Variants in OR2C3 observed in about 807,000 individuals in gnomAD.
OR2C3 encodes the protein olfactory receptor family 2 subfamily C member 3.
For synonymous variants in OR2C3, 178 were observed against 163.4 expected (o/e 1.09, Z -0.68); for missense variants, 425 against 401.5 (o/e 1.06, Z -0.50).
At position 247,532,221 on chromosome 1, in the gene OR2C3, C is replaced by T. The variant is rs1380315620; in HGVS notation, c.291G>A (p.Gly97=). 3 of 1,614,168 alleles carry T rather than the reference C, an allele frequency of 1.9e-6. No homozygotes were observed. Among genetic ancestry groups the T allele is most frequent in the Middle Eastern group, 1.6e-4 (1 of 6,062 alleles). ...WGPQKTISYG[G]CVVQFYISHW... Reference sequence around the variant, plus strand: ...GGGAGATATAGAACTGGACCACACACCCTCCATAGCTTATGGTTTTCTGTG... The same window carrying T: ...GGGAGATATAGAACTGGACCACACATCCTCCATAGCTTATGGTTTTCTGTG... The change falls in exon 3 of 3, where the codon GGG becomes GGA. Residue 97 remains glycine, a synonymous_variant. Transcript: ENST00000641802.
intron 2 of OR2C3, among the ~76,000 whole-genome samples, chr1:247,532,859 T>A (rs1453254548): frequency 1.3e-5 from 1 of 77,792 alleles, no homozygotes; most frequent in Non-Finnish European, 2.6e-5. Context: ...TTGGACTGTA[T>A]AATAAAAGAC....
In OR2C3 at chr1:247,528,763, A is replaced by G. The variant is rs1383661412; in HGVS notation, c.*2786T>C. ...TGGATAACAAGTTATTATTTTGCTG[A>G]GAGATTTGTGAAGAATAAGGCTGGA... is the stretch of plus-strand genomic sequence containing the variant. On this transcript the variant is annotated 3_prime_UTR_variant, in exon 3 of 3. Coordinates refer to ENST00000641802, the MANE Select transcript of OR2C3 (RefSeq NM_198074.6). 2 of 152,224 alleles carry G rather than the reference A, an allele frequency of 1.3e-5. No individual in the cohort carries two copies. The highest frequency in any genetic ancestry group is 3.8e-4 in the East Asian group (2 of 5,204). The allele number at this position is 152,224 out of a possible 1,614,324, so 9.4% of individuals were successfully genotyped here.
chr1:247,525,362 C>T lies in OR2C3; in HGVS notation c.*6187G>A, dbSNP rs1666637464. The stretch of plus-strand genomic sequence containing the variant: ...AAGTCTCATAAGACATCCCCGTTTC[C>T]AATACCAATTATAAGCCTCAAGTTC... On this transcript the variant is annotated 3_prime_UTR_variant, in exon 3 of 3. Transcript: ENST00000641802. 1 of 152,194 alleles carries T rather than the reference C, an allele frequency of 6.6e-6. No homozygotes were observed. The highest frequency in any genetic ancestry group is 2.1e-4 in the South Asian group (1 of 4,828). 9.4% of individuals were successfully genotyped at this position (152,194 alleles called of 1,614,324 possible).
At position 247,524,734 on chromosome 1, in the gene OR2C3, A is replaced by G. The variant is rs1409916168; in HGVS notation, c.*6815T>C. On this transcript the variant is annotated 3_prime_UTR_variant, in exon 3 of 3. Coordinates refer to ENST00000641802, the MANE Select transcript of OR2C3 (RefSeq NM_198074.6). The stretch of plus-strand genomic sequence containing the variant: ...ATATAACATTTAAAACTTTTGTACC[A>G]CAAAGGAAACAAACAAAACATAGCA... 6.6e-6 allele frequency: 1 copy of G among 150,852 alleles called. No homozygotes were observed. Among genetic ancestry groups the G allele is most frequent in the African/African-American group, 2.5e-5 (1 of 40,132 alleles). The allele number at this position is 150,852 out of a possible 1,614,324, so 9.3% of individuals were successfully genotyped here.
rs1224562568 is a variant in OR2C3, at chr1:247,529,819, C to A, written c.*1730G>T. ...CTTTATAATGTGAGTGGGTCTCATC[C>A]CATCAGTTGAAAGCCTTAAGAGAAA... On this transcript the variant is annotated 3_prime_UTR_variant, in exon 3 of 3. Coordinates refer to ENST00000641802, the MANE Select transcript of OR2C3 (RefSeq NM_198074.6). 3 of 148,962 alleles carry A rather than the reference C, an allele frequency of 2.0e-5. No homozygotes were observed. The highest frequency in any genetic ancestry group is 4.4e-5 in the Non-Finnish European group (3 of 67,692). The allele number at this position is 148,962 out of a possible 1,614,324, so 9.2% of individuals were successfully genotyped here. A position where few individuals can be genotyped will look rare whatever the true frequency, so the allele number is the denominator to read the frequency against.
chr1:247,533,712 T>C lies in OR2C3; in HGVS notation c.-235A>G, dbSNP rs1041380363. 3 of 152,232 alleles carry C rather than the reference T, an allele frequency of 2.0e-5. No homozygotes were observed. Among genetic ancestry groups the C allele is most frequent in the Non-Finnish European group, 4.4e-5 (3 of 68,044 alleles). 9.4% of individuals were successfully genotyped at this position (152,232 alleles called of 1,614,324 possible). ...GTCCATATGGCTTTGAACCTAAGCATAAAAATGGGAAGTTTCTCTTGTATC... is the reference window on the plus strand; with the variant it reads ...GTCCATATGGCTTTGAACCTAAGCACAAAAATGGGAAGTTTCTCTTGTATC... On this transcript the variant is annotated 5_prime_UTR_variant, in exon 2 of 3. It removes an upstream start codon present in the reference 5' UTR. Coordinates refer to ENST00000641802, the MANE Select transcript of OR2C3 (RefSeq NM_198074.6).
rs1295922888 is a variant in OR2C3, at chr1:247,524,685, C to T, written c.*6864G>A. On this transcript the variant is annotated 3_prime_UTR_variant, in exon 3 of 3. Coordinates refer to ENST00000641802, the MANE Select transcript of OR2C3 (RefSeq NM_198074.6). ...GTCCCACAACTAGAAGGCATAAAGG[C>T]ATGATTGATAGTTTATTTAATACAT... 1 of 152,090 alleles carries T rather than the reference C, an allele frequency of 6.6e-6. No homozygotes were observed. Among genetic ancestry groups the T allele is most frequent in the Non-Finnish European group, 1.5e-5 (1 of 68,010 alleles). 9.4% of individuals were successfully genotyped at this position (152,090 alleles called of 1,614,324 possible). A position where few individuals can be genotyped will look rare whatever the true frequency, so the allele number is the denominator to read the frequency against.
At position 247,527,017 on chromosome 1, in the gene OR2C3, G is replaced by A; in HGVS notation, c.*4532C>T. The A allele has an allele frequency of 4.4e-6, 2 of 456,702 alleles. No individual in the cohort carries two copies. The highest frequency in any genetic ancestry group is 3.1e-5 in the South Asian group (2 of 64,564). The allele number at this position is 456,702 out of a possible 1,614,324, so 28.3% of individuals were successfully genotyped here. On this transcript the variant is annotated 3_prime_UTR_variant, in exon 3 of 3. Coordinates refer to ENST00000641802, the MANE Select transcript of OR2C3 (RefSeq NM_198074.6). This position sits in a 1 kb window ranked among gnomAD's most constrained non-coding sequence, Gnocchi z 4.6. ...TGTGGAGCCAGAAATTGTGTGGAAT[G>A]CCTGGTGTTTCTTTCAGTTCTTGGA... is the stretch of plus-strand genomic sequence containing the variant.
rs147971145 is a variant in OR2C3 at position 247,525,370 on chromosome 1, A to G, written c.*6179T>C. On this transcript the variant is annotated 3_prime_UTR_variant, in exon 3 of 3. Transcript: ENST00000641802. Reference sequence around the variant, plus strand: ...TAAGACATCCCCGTTTCCAATACCAATTATAAGCCTCAAGTTCTTTTTACC... The same window carrying G: ...TAAGACATCCCCGTTTCCAATACCAGTTATAAGCCTCAAGTTCTTTTTACC... 9.0e-4 allele frequency: 136 copies of G among 151,816 alleles called. No individual in the cohort carries two copies. Among genetic ancestry groups the G allele is most frequent in the African/African-American group, 3.2e-3 (132 of 41,434 alleles). 9.4% of individuals were successfully genotyped at this position (151,816 alleles called of 1,614,324 possible). A position where few individuals can be genotyped will look rare whatever the true frequency, so the allele number is the denominator to read the frequency against.
In OR2C3 at chr1:247,531,759, C is replaced by G; in HGVS notation, c.753G>C (p.Leu251=). 6.2e-7 allele frequency: 1 copy of G among 1,614,180 alleles called. No individual in the cohort carries two copies. The highest frequency in any genetic ancestry group is 8.5e-7 in the Non-Finnish European group (1 of 1,180,038). Residue 251 remains leucine, a synonymous_variant, in exon 3 of 3, where the codon CTG becomes CTC. Coordinates refer to ENST00000641802, the MANE Select transcript of OR2C3 (RefSeq NM_198074.6). ...ACATGAAGATGATGCTCCCGTAAAACAGAGACACCACAGCCACGTGGGAAG... is the reference window on the plus strand; with the variant it reads ...ACATGAAGATGATGCTCCCGTAAAAGAGAGACACCACAGCCACGTGGGAAG... ...TCSSHVAVVS[L]FYGSIIFMYL... is the part of the protein sequence containing the mutation.
intron 1 of OR2C3, among the ~76,000 whole-genome samples, chr1:247,534,658 G>C (rs369071985): frequency 9.9e-5 from 15 of 152,136 alleles, no homozygotes; most frequent in African/African-American, 3.4e-4. Context: ...ATTTATTATA[G>C]TTAAGATTCA....
Position 247,525,908 on chromosome 1 carries a change from A to AT in OR2C3, c.*5640dup, listed in dbSNP as rs1666664349. On this transcript the variant is annotated 3_prime_UTR_variant, in exon 3 of 3. Transcript: ENST00000641802. ...AAGTACCACTTTAAGGAATCCAAGGATTTTAGTAGTTGTATGCCTGGAAAC... is the reference window on the plus strand; with the variant it reads ...AAGTACCACTTTAAGGAATCCAAGGATTTTTAGTAGTTGTATGCCTGGAAAC... The AT allele has an allele frequency of 6.6e-6, 1 of 152,186 alleles. No homozygotes were observed. Among genetic ancestry groups the AT allele is most frequent in the Non-Finnish European group, 1.5e-5 (1 of 68,036 alleles). 9.4% of individuals were successfully genotyped at this position (152,186 alleles called of 1,614,324 possible).
chr1:247,533,327 G>A (rs995993200), intron 2 of OR2C3, among the ~76,000 whole-genome samples, 180 bp downstream of exon 2: 10 of 152,020 alleles, frequency 6.6e-5, no homozygotes, highest in African/African-American at 1.7e-4. Flanking sequence ...CTTCTTGTCC[G>A]TGGCCCCTCA....
At position 247,531,859 on chromosome 1, in the gene OR2C3, G is replaced by C. The variant is rs866695097; in HGVS notation, c.653C>G (p.Ser218Cys). 1.2e-6 allele frequency: 2 copies of C among 1,614,106 alleles called. No homozygotes were observed. Among genetic ancestry groups the C allele is most frequent in the Admixed American group, 3.3e-5 (2 of 60,008 alleles). ...CACGGCCCGGGCAATGTGGCCGTAA[G>C]AGACCAGGATGAGCCCCAGAGGCAG... Reference protein sequence around the residue: ...VVLPLGLILVSYGHIARAVLK... With the variant: ...VVLPLGLILVCYGHIARAVLK... The change falls in exon 3 of 3, where the codon TCT becomes TGT. Residue 218 changes from serine to cysteine, a missense_variant. Transcript: ENST00000641802.
At position 247,532,635 on chromosome 1, in the gene OR2C3, A is replaced by C. The variant is rs118147664; in HGVS notation, c.-29-95T>G. ...AGTGTATTTTAGTTCATTTTATGTTATTCTTTTTTAGAGACACAATTTCAC... is the reference window on the plus strand; with the variant it reads ...AGTGTATTTTAGTTCATTTTATGTTCTTCTTTTTTAGAGACACAATTTCAC... On this transcript the variant is annotated intron_variant, in intron 2 of 2. Transcript: ENST00000641802. The C allele has an allele frequency of 9.4e-4, 911 of 970,988 alleles. 14 individuals carry two copies. In the East Asian group the frequency reaches 0.023, roughly 24 times the overall value. The allele number at this position is 970,988 out of a possible 1,614,324, so 60.1% of individuals were successfully genotyped here. A position where few individuals can be genotyped will look rare whatever the true frequency, so the allele number is the denominator to read the frequency against.
chr1:247,531,991 C>A lies in OR2C3; in HGVS notation c.521G>T (p.Cys174Phe). Residue 174 changes from cysteine to phenylalanine, a missense_variant, in exon 3 of 3, where the codon TGC becomes TTC. Coordinates refer to ENST00000641802, the MANE Select transcript of OR2C3 (RefSeq NM_198074.6). ...TMLLPLCGNN[C>F]IDHFFCEMPL... ...CATCTCGCAAAAGAAGTGGTCGATG[C>A]AATTGTTCCCACACAGCGGTAGGAG... 6.2e-7 allele frequency: 1 copy of A among 1,614,002 alleles called. No individual in the cohort carries two copies. Among genetic ancestry groups the A allele is most frequent in the Non-Finnish European group, 8.5e-7 (1 of 1,180,020 alleles).
At chr1:247,534,536 G>A (rs1264820156) in intron 1 of OR2C3, among the ~76,000 whole-genome samples, 1 of 152,218 alleles carries the variant, frequency 6.6e-6, no homozygotes, top group Non-Finnish European at 1.5e-5. Flanking sequence ...CAGGGGCAGT[G>A]CATAAAGTCA....
At chr1:247,536,137 A>G (rs1006557806) in intron 1 of OR2C3, 31 bp downstream of exon 1, 1 of 152,178 alleles carries the variant, frequency 6.6e-6, no homozygotes, top group African/African-American at 2.4e-5. Flanking sequence ...AACAACAACA[A>G]ACAAACGACA....
chr1:247,524,912 A>T lies in OR2C3; in HGVS notation c.*6637T>A, dbSNP rs1666616641. 6.6e-6 allele frequency: 1 copy of T among 152,246 alleles called. No homozygotes were observed. 9.4% of individuals were successfully genotyped at this position (152,246 alleles called of 1,614,324 possible). ...AACAATTTATTGAAGAAACACAAAT[A>T]GCCCCAAAACATACCAGAAGATGTT... On this transcript the variant is annotated 3_prime_UTR_variant, in exon 3 of 3. Transcript: ENST00000641802.
Sources: allele counts gnomAD v4.1 joint callset (sites outside exome capture counted in the v4.1 genomes callset), GRCh38; gene constraint gnomAD v4.1.1; non-coding constraint Gnocchi (gnomAD v3.1); transcripts MANE v1.5; gene names NCBI Gene and HGNC (gene_info 2026-07-23, HGNC 2026-07-21).